MLLT10: variants seen among roughly 807,000 people sequenced by gnomAD.
MLLT10 encodes the protein protein AF-10.
A neutral mutation model predicts 129.1 loss-of-function variants in MLLT10; 30 were observed. That is an observed-to-expected ratio of 0.23 (90% confidence interval 0.17 to 0.32). The LOEUF (loss-of-function observed/expected upper bound fraction) is 0.32. Ranked by LOEUF, MLLT10 falls within the 10% of genes least tolerant of loss-of-function variation. The pLI is 1.00. For synonymous variants in MLLT10, 490 were observed against 446.4 expected (o/e 1.10, Z -1.23); for missense variants, 1,119 against 1,268.3 (o/e 0.88, Z 1.79).
At chr10:21,605,256 G>A (rs114796477) in intron 5 of MLLT10, among the ~76,000 whole-genome samples, 2 of 152,110 alleles carry the variant, frequency 1.3e-5, no homozygotes, top group South Asian at 2.1e-4. Flanking sequence ...TCATGATGGC[G>A]TGGCTGACTG....
intron 21 of MLLT10, among the ~76,000 whole-genome samples, chr10:21,738,759 A>G (rs560105989): frequency 6.6e-6 from 1 of 152,126 alleles, no homozygotes; most frequent in African/African-American, 2.4e-5. Flanking sequence ...AGCTTCCAGG[A>G]TACCACATCA....
At chr10:21,722,823 A>C (rs1564721264) in intron 14 of MLLT10, among the ~76,000 whole-genome samples, 1 of 152,170 alleles carries the variant, frequency 6.6e-6, no homozygotes. Flanking sequence ...CTAAGCAGTG[A>C]CAGTCATTTG....
chr10:21,717,495 TCCTCCTCCTCCTCCTCCTCCACCA>T (rs1452926982), intron 14 of MLLT10, among the ~76,000 whole-genome samples: 4 of 61,950 alleles, frequency 6.5e-5, no homozygotes, highest in Admixed American at 1.5e-4. Context: ...CTCCTCCTCC[TCCTCCTCCTCCTCCTCCTCCACCA>T]CCTCCTCCTC....
At chr10:21,683,478 A>G (rs2052958652) in intron 13 of MLLT10, among the ~76,000 whole-genome samples, 1 of 152,214 alleles carries the variant, frequency 6.6e-6, no homozygotes, top group South Asian at 2.1e-4. Context: ...GTAAATTTAG[A>G]ATTGTTCTTT....
At position 21,670,569 on chromosome 10, in the gene MLLT10, G is replaced by A. The variant is rs779078417; in HGVS notation, c.916G>A (p.Asp306Asn). 3 of 1,614,168 alleles carry A rather than the reference G, an allele frequency of 1.9e-6. No individual in the cohort carries two copies. Among genetic ancestry groups the A allele is most frequent in the Non-Finnish European group, 1.7e-6 (2 of 1,180,038 alleles). Residue 306 changes from aspartate (D) to asparagine (N), a missense_variant, in exon 10 of 23, where the codon GAT becomes AAT. By Grantham distance (23) the Asp-to-Asn change is conservative. Transcript: ENST00000307729. The stretch of plus-strand genomic sequence containing the variant: ...CTCTGCACACACCTCTAGTGGAAAA[G>A]ATGTTTCAGAGACTAGAGGGTCAGA... ...EVSAHTSSGK[D>N]VSETRGSEGK...
intron 5 of MLLT10, among the ~76,000 whole-genome samples, chr10:21,602,733 C>CT (rs879807408): frequency 1.4e-3 from 207 of 144,618 alleles, no homozygotes; most frequent in Middle Eastern, 3.6e-3. Context: ...TATCTAAACT[C>CT]TTTTTTTTTT....
Position 21,740,162 on chromosome 10 carries a change from G to A in MLLT10, c.3088G>A (p.Ala1030Thr). ...PINNLLAGTQ[A>T]PPLHTATTNP... ...AAACAACCTTCTTGCAGGTACACAG[G>A]CACCCCCACTTCACACAGCTACCAC... is the stretch of plus-strand genomic sequence containing the variant. The change falls in exon 22 of 23, where the codon GCA (alanine) becomes ACA (threonine). Residue 1030 changes from alanine (A) to threonine (T), a missense_variant. Ala to Thr is a moderately conservative substitution (Grantham distance 58). This residue lies in a region of MLLT10 where 1,004 missense variants were observed against 1,008.7 expected (regional missense o/e 1.00). Coordinates refer to ENST00000307729, the MANE Select transcript of MLLT10 (RefSeq NM_001195626.3). 6.2e-7 allele frequency: 1 copy of A among 1,614,058 alleles called. No homozygotes were observed.
chr10:21,575,152 A>G (rs1019240620), intron 3 of MLLT10, among the ~76,000 whole-genome samples: 5 of 151,954 alleles, frequency 3.3e-5, no homozygotes, highest in Admixed American at 2.0e-4. Flanking sequence ...ACTCTTTTAT[A>G]TATAGGTTCT....
intron 13 of MLLT10, among the ~76,000 whole-genome samples, chr10:21,703,993 A>G (rs1209747366): frequency 3.1e-5 from 3 of 95,770 alleles, no homozygotes; most frequent in African/African-American, 7.4e-5. Context: ...TTCTGAATAC[A>G]TTTTGGATTT....
rs191341264 is a variant in MLLT10, at chr10:21,724,273, A to G, written c.1879-1971A>G. Among the ~76,000 whole-genome samples the G allele has an allele frequency of 2.0e-5, 3 of 152,404 alleles. No homozygotes were observed. The East Asian group carries it at 5.8e-4, about 29-fold the overall frequency. ...AGATAATAGAAAGCAAGGATGGTAC[A>G]TCCCAGAAACTGTTTCCGTGAACCA... On this transcript the variant is annotated intron_variant, in intron 14 of 22. Coordinates refer to ENST00000307729, the MANE Select transcript of MLLT10 (RefSeq NM_001195626.3).
Position 21,612,125 on chromosome 10 carries a change from A to T in MLLT10, c.406-223A>T, listed in dbSNP as rs148307899. Reference sequence around the variant, plus strand: ...AAAGTTTGTGAGACTGATGAAGATAATGCCTTTGTGAATTTTTTTAATAGG... The same window carrying T: ...AAAGTTTGTGAGACTGATGAAGATATTGCCTTTGTGAATTTTTTTAATAGG... On this transcript the variant is annotated intron_variant, in intron 5 of 22. Coordinates refer to ENST00000307729, the MANE Select transcript of MLLT10 (RefSeq NM_001195626.3). Among the ~76,000 whole-genome samples the T allele has an allele frequency of 2.0e-4, 30 of 152,208 alleles. No individual in the cohort carries two copies. The East Asian group carries it at 5.4e-3, about 27-fold the overall frequency.
chr10:21,605,986 T>C (rs1481797659), intron 5 of MLLT10, among the ~76,000 whole-genome samples: 3 of 152,222 alleles, frequency 2.0e-5, no homozygotes, highest in African/African-American at 7.2e-5. Flanking sequence ...GTCTATCGGT[T>C]TCATTTTTCC....
intron 4 of MLLT10, among the ~76,000 whole-genome samples, chr10:21,594,802 C>T (rs1186380087): frequency 6.6e-6 from 1 of 151,174 alleles, no homozygotes; most frequent in Non-Finnish European, 1.5e-5. Flanking sequence ...CCATTGCACT[C>T]CAGCCTGGGC....
chr10:21,592,446 T>G (rs1040607819), intron 4 of MLLT10, among the ~76,000 whole-genome samples: 1 of 151,124 alleles, frequency 6.6e-6, no homozygotes, highest in Non-Finnish European at 1.5e-5. Context: ...TGTAGTTTTT[T>G]TTTTTTTGTT....
At chr10:21,561,966 C>T (rs1173402728) in intron 3 of MLLT10, among the ~76,000 whole-genome samples, 4 of 152,156 alleles carry the variant, frequency 2.6e-5, no homozygotes, top group African/African-American at 9.6e-5. Context: ...CCACCACGCT[C>T]AGCTAATCTT....
At chr10:21,687,548 T>G (rs919131948) in intron 13 of MLLT10, among the ~76,000 whole-genome samples, 1 of 152,162 alleles carries the variant, frequency 6.6e-6, no homozygotes, top group Admixed American at 6.5e-5. Context: ...TTCTTATGAG[T>G]TAGTGTGTTC....
chr10:21,655,968 C>T lies in MLLT10; in HGVS notation c.795+4200C>T, dbSNP rs566053473. Among the ~76,000 whole-genome samples, 22 of 152,004 alleles carry T rather than the reference C, an allele frequency of 1.4e-4. No homozygotes were observed. In the East Asian group the frequency reaches 1.9e-3, roughly 13 times the overall value. On this transcript the variant is annotated intron_variant, in intron 9 of 22. Transcript: ENST00000307729. Reference sequence around the variant, plus strand: ...GGACATAATAGGGGAGGTTCACAACCGTGTAGGGATGAGGCAGGTGAGGAT... The same window carrying T: ...GGACATAATAGGGGAGGTTCACAACTGTGTAGGGATGAGGCAGGTGAGGAT...
Position 21,682,407 on chromosome 10 carries a change from T to G in MLLT10, c.1699+150T>G, listed in dbSNP as rs185478697. 2.2e-5 allele frequency: 13 copies of G among 580,636 alleles called. No homozygotes were observed. In the East Asian group the frequency reaches 4.2e-4, roughly 19 times the overall value. The allele number at this position is 580,636 out of a possible 1,614,324, so 36.0% of individuals were successfully genotyped here. On this transcript the variant is annotated intron_variant, in intron 13 of 22. Coordinates refer to ENST00000307729, the MANE Select transcript of MLLT10 (RefSeq NM_001195626.3). The stretch of plus-strand genomic sequence containing the variant: ...TTGTTCAGCACCTTAGTGAAAAATT[T>G]TTGTAGATTGCCAATAAGAGGCTGA...
rs1283623741 is a variant in MLLT10 at position 21,742,674 on chromosome 10, T to A, written c.*691T>A. 8.9e-6 allele frequency: 2 copies of A among 224,242 alleles called. No homozygotes were observed. Among genetic ancestry groups the A allele is most frequent in the African/African-American group, 2.2e-5 (1 of 44,908 alleles). The allele number at this position is 224,242 out of a possible 1,614,324, so 13.9% of individuals were successfully genotyped here. ...CTCATATTTTGAAGAAATCTTGAGT[T>A]AAGTGAGTTCTGAGGCTGCTGGGGG... On this transcript the variant is annotated 3_prime_UTR_variant, in exon 23 of 23. Coordinates refer to ENST00000307729, the MANE Select transcript of MLLT10 (RefSeq NM_001195626.3).
Sources: allele counts gnomAD v4.1 joint callset (sites outside exome capture counted in the v4.1 genomes callset), GRCh38; gene constraint gnomAD v4.1.1; regional missense constraint gnomAD v4.1.1; transcripts MANE v1.5; gene names NCBI Gene and HGNC (gene_info 2026-07-23, HGNC 2026-07-21).